ELFN1: variants seen among roughly 807,000 people sequenced by gnomAD.
ELFN1 encodes the protein protein ELFN1.
In ELFN1, 6 loss-of-function variants were observed where a neutral mutation model predicts 7.6. The observed-to-expected ratio is 0.79, with a 90% CI of 0.43 to 1.56. The LOEUF is 1.56. ELFN1 is among the 40% of genes most tolerant of loss of function. ELFN1 has a pLI of 0.01. For missense variants in ELFN1, 1,169 were observed against 1,232.2 expected, an observed-to-expected ratio of 0.95 and a Z score of 0.77; for synonymous variants, 657 against 588.1, an observed-to-expected ratio of 1.12 and a Z score of -1.70.
upstream of ELFN1, among the ~76,000 whole-genome samples, chr7:1,669,304 A>AG: frequency 6.6e-6 from 1 of 151,746 alleles, no homozygotes; most frequent in African/African-American, 2.4e-5. Flanking sequence ...TGCCGGGGGT[A>AG]CTGAGGCCGG....
rs747197898 is a variant in ELFN1, at chr7:1,745,238, G to A, written c.642G>A (p.Thr214=). ...CCGCCTTCACCAACGCCACACAGACGTACGACCGCATGCAGTGCGAGTCGC... is the reference window on the plus strand; with the variant it reads ...CCGCCTTCACCAACGCCACACAGACATACGACCGCATGCAGTGCGAGTCGC... The part of the protein sequence containing the change: ...WLAAFTNATQ[T]YDRMQCESPP... The change falls in exon 4 of 4, where the codon ACG becomes ACA. Residue 214 remains threonine (T), a synonymous_variant. Coordinates refer to ENST00000424383, the MANE Select transcript of ELFN1 (RefSeq NM_001128636.4). The A allele has an allele frequency of 3.2e-5, 49 of 1,540,822 alleles. No individual in the cohort carries two copies. Among genetic ancestry groups the A allele is most frequent in the Non-Finnish European group, 3.9e-5 (45 of 1,146,904 alleles).
At position 1,692,988 on chromosome 7, in the gene ELFN1, C is replaced by T. The variant is rs182702957; in HGVS notation, c.-456+4838C>T. The stretch of plus-strand genomic sequence containing the variant: ...GCGCCACGCTCTGCCATGTGCTGGC[C>T]GGGCTGTTACTCTCTCAGCCTCAGT... On this transcript the variant is annotated intron_variant, in intron 2 of 3. Coordinates refer to ENST00000424383, the MANE Select transcript of ELFN1 (RefSeq NM_001128636.4). The T allele has an allele frequency of 8.8e-5, 23 of 261,806 alleles. No homozygotes were observed. The East Asian group carries it at 1.5e-3, about 17-fold the overall frequency. The allele number at this position is 261,806 out of a possible 1,614,324, so 16.2% of individuals were successfully genotyped here. A position where few individuals can be genotyped will look rare whatever the true frequency, so the allele number is the denominator to read the frequency against.
chr7:1,699,835 C>T (rs1218109615), intron 2 of ELFN1, among the ~76,000 whole-genome samples: 2 of 152,144 alleles, frequency 1.3e-5, no homozygotes, highest in Non-Finnish European at 2.9e-5. Flanking sequence ...TCCCGGGTAG[C>T]TGGGATTACA....
intron 3 of ELFN1, among the ~76,000 whole-genome samples, chr7:1,729,638 T>C (rs989500619): frequency 1.3e-5 from 2 of 152,166 alleles, no homozygotes; most frequent in African/African-American, 4.8e-5. Flanking sequence ...CCAGCCCAGA[T>C]TCAGGCGTGC....
intron 3 of ELFN1, among the ~76,000 whole-genome samples, chr7:1,736,439 C>A (rs1014516432): frequency 5.9e-5 from 9 of 152,244 alleles, no homozygotes; most frequent in African/African-American, 2.2e-4. Flanking sequence ...AGATGCACGC[C>A]CGTCCCAGCA....
At chr7:1,693,565 G>A (rs1468518431) in intron 2 of ELFN1, 1 of 471,246 alleles carries the variant, frequency 2.1e-6, no homozygotes, top group Admixed American at 2.3e-5. Flanking sequence ...ACGTAGCCTT[G>A]CTGGGTGTGT....
rs1395586098 is a variant in ELFN1, at chr7:1,671,657, A to C, written c.-549+1303A>C. 3.9e-5 allele frequency among the ~76,000 whole-genome samples: 6 copies of C among 152,372 alleles called. No individual in the cohort carries two copies. In the East Asian group the frequency reaches 1.2e-3, roughly 29 times the overall value. ...TGGGGGAAACCCCATTGGGTTGGGC[A>C]TAGGTTGCTTGAAAAGCATCAACAT... On this transcript the variant is annotated intron_variant, in intron 1 of 3. Transcript: ENST00000424383.
At chr7:1,725,125 G>A (rs2128595472) in intron 3 of ELFN1, among the ~76,000 whole-genome samples, 1 of 152,364 alleles carries the variant, frequency 6.6e-6, no homozygotes, top group African/African-American at 2.4e-5. Context: ...CAGAAGTGGG[G>A]CAGAGGCCAG....
rs117534726 is a variant in ELFN1 at position 1,682,177 on chromosome 7, C to T, written c.-548-5881C>T. On this transcript the variant is annotated intron_variant, in intron 1 of 3. Transcript: ENST00000424383. The stretch of plus-strand genomic sequence containing the variant: ...TGTTTTGGGTGTCATATTTAGGAAT[C>T]GTTTGCCTAACCCAAGGTCACAAAG... 4.5e-3 allele frequency among the ~76,000 whole-genome samples: 678 copies of T among 152,142 alleles called. 4 individuals are homozygous for T. The highest frequency in any genetic ancestry group is 0.014 in the Middle Eastern group (4 of 294).
At chr7:1,741,864 G>A (rs777359725) in intron 3 of ELFN1, among the ~76,000 whole-genome samples, 3 of 152,266 alleles carry the variant, frequency 2.0e-5, no homozygotes, top group Non-Finnish European at 2.9e-5. Context: ...CAGACAGGGG[G>A]TCCTCAGTGA....
intron 3 of ELFN1, among the ~76,000 whole-genome samples, chr7:1,741,463 C>A (rs992620661): frequency 2.0e-5 from 3 of 152,234 alleles, no homozygotes; most frequent in African/African-American, 7.2e-5. Flanking sequence ...ATCACACAGG[C>A]TCCCCAGCCT....
At chr7:1,721,047 C>T (rs866953484) in intron 3 of ELFN1, among the ~76,000 whole-genome samples, 3 of 152,240 alleles carry the variant, frequency 2.0e-5, no homozygotes, top group African/African-American at 7.2e-5. Flanking sequence ...TGTTTAATAA[C>T]ATGTTTAAAT....
At chr7:1,667,325 G>A (rs1173304464), upstream of ELFN1, among the ~76,000 whole-genome samples, 2 of 152,208 alleles carry the variant, frequency 1.3e-5, no homozygotes, top group Admixed American at 1.3e-4. The surrounding 1 kb of genome is among the most constrained non-coding windows in gnomAD (Gnocchi z 8.2). Context: ...CCCACGGCGA[G>A]CGCAACACAT....
chr7:1,719,411 G>A (rs1290807613), intron 3 of ELFN1, among the ~76,000 whole-genome samples: 4 of 151,852 alleles, frequency 2.6e-5, no homozygotes, highest in African/African-American at 7.3e-5. Context: ...ACAGGGCCCC[G>A]CCCACCAACA....
chr7:1,681,177 TG>T (rs1278767978), intron 1 of ELFN1, among the ~76,000 whole-genome samples: 12 of 152,182 alleles, frequency 7.9e-5, no homozygotes, highest in Non-Finnish European at 1.6e-4. Context: ...TGTCAGTAGT[TG>T]TTGGTTTTTA....
At chr7:1,726,793 G>A (rs1224802413) in intron 3 of ELFN1, among the ~76,000 whole-genome samples, 1 of 152,162 alleles carries the variant, frequency 6.6e-6, no homozygotes, top group African/African-American at 2.4e-5. Flanking sequence ...TACCCGTAGG[G>A]CCCACAGGCG....
At chr7:1,684,076 G>T (rs1366154154) in intron 1 of ELFN1, among the ~76,000 whole-genome samples, 2 of 152,056 alleles carry the variant, frequency 1.3e-5, no homozygotes, top group African/African-American at 2.4e-5. Context: ...CTTGAGTGTG[G>T]GAGGTTGAGG....
At position 1,744,580 on chromosome 7, in the gene ELFN1, C is replaced by A; in HGVS notation, c.-17C>A. ...CCCTGGGCAGGCTGAATTGGGGCTC[C>A]CTGCAGGGCGGTCCCGATGGCCGGG... On this transcript the variant is annotated 5_prime_UTR_variant, in exon 4 of 4. Transcript: ENST00000424383. The A allele has an allele frequency of 3.4e-6, 5 of 1,474,848 alleles. No homozygotes were observed. Among genetic ancestry groups the A allele is most frequent in the Non-Finnish European group, 4.5e-6 (5 of 1,116,398 alleles). The allele number at this position is 1,474,848 out of a possible 1,614,324, so 91.4% of individuals were successfully genotyped here.
At chr7:1,669,373 G>A (rs1778717632), upstream of ELFN1, among the ~76,000 whole-genome samples, 1 of 152,062 alleles carries the variant, frequency 6.6e-6, no homozygotes, top group Non-Finnish European at 1.5e-5. Flanking sequence ...GGACGCGCGG[G>A]CTGCGCGGGG....
Sources: allele counts gnomAD v4.1 joint callset (sites outside exome capture counted in the v4.1 genomes callset), GRCh38; gene constraint gnomAD v4.1.1; non-coding constraint Gnocchi (gnomAD v3.1); transcripts MANE v1.5; gene names NCBI Gene and HGNC (gene_info 2026-07-23, HGNC 2026-07-21).